ARSB: variants seen among roughly 807,000 people sequenced by gnomAD.
The protein encoded by ARSB is arylsulfatase B.
Under a neutral mutation model 50.9 loss-of-function variants are expected in ARSB, and 41 were observed. The observed-to-expected ratio is 0.81, with a 90% CI of 0.63 to 1.04. The LOEUF is 1.04. Among genes scored for constraint, ARSB ranks in the 50% least tolerant of loss-of-function variants. ARSB has a pLI of 0.00. For synonymous variants in ARSB, 269 were observed against 284.8 expected (o/e 0.94, Z 0.56); for missense variants, 672 against 693.3 (o/e 0.97, Z 0.35).
intron 5 of ARSB, among the ~76,000 whole-genome samples, chr5:78,842,096 C>T (rs1269432102): frequency 6.9e-6 from 1 of 145,800 alleles, no homozygotes; most frequent in African/African-American, 2.6e-5. Context: ...ATACCCTCCA[C>T]CACCACACAC....
intron 3 of ARSB, among the ~76,000 whole-genome samples, chr5:78,962,034 T>C (rs1752007734): frequency 6.6e-6 from 1 of 152,120 alleles, no homozygotes; most frequent in Non-Finnish European, 1.5e-5. Flanking sequence ...ACTCAGAATC[T>C]CTGGTCTTGG....
intron 4 of ARSB, among the ~76,000 whole-genome samples, chr5:78,921,354 A>G (rs1580063197): frequency 6.6e-6 from 1 of 151,962 alleles, no homozygotes; most frequent in Admixed American, 6.6e-5. Flanking sequence ...AGTATAAAAT[A>G]CACAACAGAC....
At chr5:78,847,919 TG>T (rs1745521471) in intron 5 of ARSB, among the ~76,000 whole-genome samples, 1 of 152,104 alleles carries the variant, frequency 6.6e-6, no homozygotes, top group Non-Finnish European at 1.5e-5. Flanking sequence ...TCTCCTTTTT[TG>T]TTGGTGATTT....
chr5:78,862,268 TA>T (rs1330385899), intron 5 of ARSB, among the ~76,000 whole-genome samples: 1 of 152,114 alleles, frequency 6.6e-6, no homozygotes, highest in Non-Finnish European at 1.5e-5. Flanking sequence ...AAAACTACTT[TA>T]AAGTTCAGAT....
At chr5:78,935,050 CA>C (rs1307736142) in intron 4 of ARSB, among the ~76,000 whole-genome samples, 2 of 151,490 alleles carry the variant, frequency 1.3e-5, no homozygotes, top group Non-Finnish European at 2.9e-5. Context: ...ATACATTTTT[CA>C]AAAAAAGGAG....
intron 6 of ARSB, among the ~76,000 whole-genome samples, chr5:78,803,078 CTCTCCT>C (rs1743453271): frequency 6.6e-6 from 1 of 152,218 alleles, no homozygotes; most frequent in African/African-American, 2.4e-5. Flanking sequence ...GTTGTGTTTG[CTCTCCT>C]TCAAGTGAAA....
intron 4 of ARSB, among the ~76,000 whole-genome samples, chr5:78,892,248 CTTTTTTTTTT>C (rs34960858): frequency 1.1e-5 from 1 of 87,226 alleles, no homozygotes; most frequent in Non-Finnish European, 2.1e-5. Context: ...ATTCTCTATT[CTTTTTTTTTT>C]TTTTTTTTTT....
intron 4 of ARSB, among the ~76,000 whole-genome samples, chr5:78,911,646 C>T (rs1481058775): frequency 7.4e-6 from 1 of 135,824 alleles, no homozygotes; most frequent in Non-Finnish European, 1.5e-5. Context: ...TGAAAGGGGG[C>T]TTTCCGGGTG....
rs1157811811 is a variant in ARSB at position 78,899,562 on chromosome 5, T to C, written c.899-13735A>G. Among the ~76,000 whole-genome samples, 11 of 152,342 alleles carry C rather than the reference T, an allele frequency of 7.2e-5. No individual in the cohort carries two copies. The South Asian group carries it at 1.4e-3, about 20-fold the overall frequency. On this transcript the variant is annotated intron_variant, in intron 4 of 7. Coordinates refer to ENST00000264914, the MANE Select transcript of ARSB (RefSeq NM_000046.5). ...TTGTGTATTTTCACACAGCTGGTTT[T>C]TGAGCTCATAGATTCTTTCCTCTGC...
intron 6 of ARSB, chr5:78,783,271 T>C (rs1748977552): frequency 6.6e-6 from 1 of 152,170 alleles, no homozygotes; most frequent in Non-Finnish European, 1.5e-5. Context: ...AACCCATCTG[T>C]CTGCCTTCCT....
At chr5:78,846,585 C>A (rs747664185) in intron 5 of ARSB, among the ~76,000 whole-genome samples, 13 of 152,036 alleles carry the variant, frequency 8.6e-5, no homozygotes, top group Middle Eastern at 3.2e-3. Flanking sequence ...CTACTGATTT[C>A]TGTATGTTGA....
At chr5:78,880,384 A>C (rs958064704) in intron 5 of ARSB, among the ~76,000 whole-genome samples, 1 of 152,214 alleles carries the variant, frequency 6.6e-6, no homozygotes, top group Admixed American at 6.5e-5. Flanking sequence ...TTTTCGATTC[A>C]ATCCCACCCT....
intron 5 of ARSB, among the ~76,000 whole-genome samples, chr5:78,854,866 A>AT (rs546105510): frequency 8.5e-4 from 129 of 151,278 alleles, no homozygotes; most frequent in Non-Finnish European, 1.5e-3. Flanking sequence ...TTAGCTGACA[A>AT]TTTTTTTTTC....
intron 5 of ARSB, among the ~76,000 whole-genome samples, chr5:78,863,001 A>G (rs1415528172): frequency 6.6e-6 from 1 of 152,238 alleles, no homozygotes; most frequent in Non-Finnish European, 1.5e-5. Flanking sequence ...AGACGCATGA[A>G]AAAAATGCTC....
intron 6 of ARSB, among the ~76,000 whole-genome samples, chr5:78,805,646 G>A (rs1743530877): frequency 6.6e-6 from 1 of 152,198 alleles, no homozygotes. Flanking sequence ...GCAGGAAAGA[G>A]GAGGAATGAT....
At chr5:78,981,412 A>G (rs1752897201) in intron 1 of ARSB, among the ~76,000 whole-genome samples, 1 of 152,252 alleles carries the variant, frequency 6.6e-6, no homozygotes, top group Admixed American at 6.5e-5. Flanking sequence ...ATGTCTCACT[A>G]TAAAAGGCTG....
chr5:78,972,991 G>A (rs544779325), intron 1 of ARSB, among the ~76,000 whole-genome samples: 1 of 152,082 alleles, frequency 6.6e-6, no homozygotes, highest in African/African-American at 2.4e-5. Flanking sequence ...ACATGTTTTC[G>A]GTCTGTTCAA....
At chr5:78,883,632 G>C (rs1258941284) in intron 5 of ARSB, 10 of 152,308 alleles carry the variant, frequency 6.6e-5, no homozygotes, top group Non-Finnish European at 5.9e-5. Flanking sequence ...ATTGAAAGAA[G>C]GTTATAAAGC....
chr5:78,782,980 C>G (rs1188648100), intron 6 of ARSB, among the ~76,000 whole-genome samples: 1 of 152,054 alleles, frequency 6.6e-6, no homozygotes, highest in East Asian at 1.9e-4. Flanking sequence ...CCTTCCTTTG[C>G]CTGATTATGA....
Sources: gnomAD v4.1 joint callset for allele counts (sites outside exome capture counted in the v4.1 genomes callset) on GRCh38, gnomAD v4.1.1 for gene constraint, MANE v1.5 for transcripts, NCBI Gene and HGNC (gene_info 2026-07-23, HGNC 2026-07-21) for gene names.